IPO9: variants seen among roughly 807,000 people sequenced by gnomAD.
The protein encoded by IPO9 is importin 9, also known as importin-9.
Under a neutral mutation model 128.6 loss-of-function variants are expected in IPO9, and 28 were observed. The ratio of observed to expected loss-of-function variants is 0.22; its 90% CI spans 0.16 to 0.30. The LOEUF (loss-of-function observed/expected upper bound fraction) is 0.30, where lower values mean the gene tolerates loss of function less well. Ranked by LOEUF, IPO9 falls within the 10% of genes least tolerant of loss-of-function variation. The probability of loss-of-function intolerance (pLI) is 1.00; values close to 1 mark genes in which losing one functional copy is unlikely to be tolerated. For synonymous variants in IPO9, 455 were observed against 475.8 expected (o/e 0.96, Z 0.57); for missense variants, 935 against 1,293.9 (o/e 0.72, Z 4.26).
intron 3 of IPO9, 128 bp from the exon 4 acceptor site, chr1:201,848,265 A>G (rs1680155156): frequency 9.5e-6 from 7 of 734,166 alleles, no homozygotes; most frequent in Non-Finnish European, 1.7e-5. Flanking sequence ...AAGTTTGTGT[A>G]TAGGAGTTTT....
At chr1:201,868,282 A>G (rs760211877) in intron 15 of IPO9, among the ~76,000 whole-genome samples, 2 of 146,204 alleles carry the variant, frequency 1.4e-5, no homozygotes, top group Non-Finnish European at 3.0e-5. Flanking sequence ...TGCAGCTTTC[A>G]TGTCTTCTTA....
intron 9 of IPO9, 97 bp downstream of exon 9, chr1:201,855,279 A>G: frequency 1.4e-6 from 1 of 729,588 alleles, no homozygotes; most frequent in Non-Finnish European, 2.4e-6. Flanking sequence ...GAGAGGCTTC[A>G]CTCTATTAAG....
intron 1 of IPO9, among the ~76,000 whole-genome samples, chr1:201,836,130 A>AG (rs1679917227): frequency 6.7e-6 from 1 of 148,574 alleles, no homozygotes; most frequent in Non-Finnish European, 1.5e-5. Flanking sequence ...AAAAAAAAAA[A>AG]AAAAAAAAAA....
At chr1:201,854,497 G>A (rs141795353) in intron 6 of IPO9, 98 bp from the exon 7 acceptor site, 3 of 1,462,506 alleles carry the variant, frequency 2.1e-6, no homozygotes, top group Non-Finnish European at 2.8e-6. Context: ...AGCCTGAAGA[G>A]AGCTTTAGGT....
intron 21 of IPO9, 98 bp downstream of exon 21, chr1:201,874,470 A>G (rs1680721297): frequency 7.1e-7 from 1 of 1,407,008 alleles, no homozygotes; most frequent in Non-Finnish European, 9.6e-7. Context: ...CTAATTGAAA[A>G]AAAAAGTTGA....
At chr1:201,860,978 T>C (rs967369090) in intron 13 of IPO9, among the ~76,000 whole-genome samples, 3 of 152,016 alleles carry the variant, frequency 2.0e-5, no homozygotes, top group African/African-American at 7.2e-5. Context: ...CCAGCCTGGC[T>C]AACATGGCCT....
chr1:201,839,739 A>G (rs1680002304), intron 1 of IPO9, among the ~76,000 whole-genome samples: 1 of 152,144 alleles, frequency 6.6e-6, no homozygotes, highest in Non-Finnish European at 1.5e-5. Flanking sequence ...TTTAAACTTG[A>G]CATAGGGAAA....
At chr1:201,868,604 A>G (rs776174814) in intron 15 of IPO9, 44 bp from the exon 16 acceptor site, 7 of 1,582,800 alleles carry the variant, frequency 4.4e-6, no homozygotes, top group Non-Finnish European at 6.0e-6. Context: ...AAGCAGATGC[A>G]GACCATCAGG....
chr1:201,858,435 C>CT lies in IPO9; in HGVS notation c.1222-11dup. On this transcript the variant is annotated splice_polypyrimidine_tract_variant and intron_variant, in intron 11 of 23. Coordinates refer to ENST00000361565, the MANE Select transcript of IPO9 (RefSeq NM_018085.5). ...GGCACAAACAGATTTATTAGCTCTT[C>CT]TCTCTCTATAGGCTGTGGCCACAGA... 3.4e-6 allele frequency: 5 copies of CT among 1,463,240 alleles called. No homozygotes were observed. The highest frequency in any genetic ancestry group is 2.8e-5 in the African/African-American group (2 of 70,310). 90.6% of individuals were successfully genotyped at this position (1,463,240 alleles called of 1,614,324 possible).
rs781420611 is a variant in IPO9, at chr1:201,875,241, A to G, written c.3015+13A>G. On this transcript the variant is annotated intron_variant, in intron 23 of 23. Coordinates refer to ENST00000361565, the MANE Select transcript of IPO9 (RefSeq NM_018085.5). ...GATTGATCTGCAGGTGAGGGTGTCCAGAGATATCTTGCAAATGACAATGTC... is the reference window on the plus strand; with the variant it reads ...GATTGATCTGCAGGTGAGGGTGTCCGGAGATATCTTGCAAATGACAATGTC... 1 of 1,608,240 alleles carries G rather than the reference A, an allele frequency of 6.2e-7. No homozygotes were observed. Among genetic ancestry groups the G allele is most frequent in the Non-Finnish European group, 8.5e-7 (1 of 1,174,536 alleles).
At chr1:201,867,148 A>T (rs762433797) in intron 15 of IPO9, among the ~76,000 whole-genome samples, 189 bp downstream of exon 15, 6 of 152,268 alleles carry the variant, frequency 3.9e-5, no homozygotes, top group Non-Finnish European at 7.3e-5. Flanking sequence ...ATTAAAAAAT[A>T]GAGTACCTAT....
chr1:201,836,859 G>A (rs530207754), intron 1 of IPO9, among the ~76,000 whole-genome samples: 2 of 152,268 alleles, frequency 1.3e-5, no homozygotes, highest in Admixed American at 6.5e-5. Context: ...TGAAACTGTA[G>A]GGGTCTGTAG....
At position 201,874,359 on chromosome 1, in the gene IPO9, A is replaced by C; in HGVS notation, c.2820A>C (p.Ala940=). The C allele has an allele frequency of 1.9e-6, 3 of 1,613,974 alleles. No individual in the cohort carries two copies. The highest frequency in any genetic ancestry group is 2.5e-6 in the Non-Finnish European group (3 of 1,179,908). Residue 940 remains alanine, a synonymous_variant, in exon 21 of 24, where the codon GCA becomes GCC. Transcript: ENST00000361565. ...EANAARQATP[A]EWSQDDSNDM... ...ATGCCGCTCGCCAGGCCACTCCTGC[A>C]GAGTGGAGTCAAGGTGCACCAGGCC...
chr1:201,868,129 T>C (rs554835608), intron 15 of IPO9, among the ~76,000 whole-genome samples: 51 of 152,330 alleles, frequency 3.3e-4, no homozygotes, highest in Non-Finnish European at 5.4e-4. Context: ...TAAAGTTCCC[T>C]TTCTTCATAA....
At chr1:201,859,184 T>TAA (rs869265207) in intron 13 of IPO9, among the ~76,000 whole-genome samples, 190 bp downstream of exon 13, 1 of 1,736 alleles carries the variant, frequency 5.8e-4, no homozygotes, top group African/African-American at 8.8e-4. Flanking sequence ...AAGTATAATA[T>TAA]ATATATATAT....
chr1:201,870,894 T>C lies in IPO9; in HGVS notation c.2409+36T>C. 5.8e-6 allele frequency: 9 copies of C among 1,564,062 alleles called. No homozygotes were observed. The highest frequency in any genetic ancestry group is 7.8e-6 in the Non-Finnish European group (9 of 1,157,358). ...AGTGGGGAGTGGGCTTCCTACTCCCTGGCTGATAGAAATGAAAATTCGTAT... is the reference window on the plus strand; with the variant it reads ...AGTGGGGAGTGGGCTTCCTACTCCCCGGCTGATAGAAATGAAAATTCGTAT... On this transcript the variant is annotated intron_variant, in intron 18 of 23. Transcript: ENST00000361565. This position sits in a 1 kb window ranked among gnomAD's most constrained non-coding sequence, Gnocchi z 4.9.
At chr1:201,868,499 C>A in intron 15 of IPO9, 149 bp from the exon 16 acceptor site, 1 of 689,750 alleles carries the variant, frequency 1.4e-6, no homozygotes, top group Non-Finnish European at 2.3e-6. Flanking sequence ...TCAGGTTATT[C>A]ATGTGGCCCC....
intron 1 of IPO9, among the ~76,000 whole-genome samples, chr1:201,840,036 A>G (rs551930753): frequency 6.6e-6 from 1 of 152,328 alleles, no homozygotes; most frequent in South Asian, 2.1e-4. Flanking sequence ...AGAGAAATAT[A>G]ATCTAAAACA....
chr1:201,867,400 A>C (rs899455096), intron 15 of IPO9, among the ~76,000 whole-genome samples: 2 of 152,284 alleles, frequency 1.3e-5, no homozygotes, highest in East Asian at 3.9e-4. Flanking sequence ...AAAATTTGGA[A>C]ATTATAAAAA....
Sources: allele counts gnomAD v4.1 joint callset (sites outside exome capture counted in the v4.1 genomes callset), GRCh38; gene constraint gnomAD v4.1.1; non-coding constraint Gnocchi (gnomAD v3.1); transcripts MANE v1.5; gene names NCBI Gene and HGNC (gene_info 2026-07-23, HGNC 2026-07-21).